ZFAND2A: variants seen among roughly 807,000 people sequenced by gnomAD.
ZFAND2A encodes the protein AN1-type zinc finger protein 2A.
Under a neutral mutation model 11.6 loss-of-function variants are expected in ZFAND2A, and 20 were observed. That is an observed-to-expected ratio of 1.72 (90% CI 1.21 to 2.50). ZFAND2A has a LOEUF of 2.50. ZFAND2A is among the 30% of genes most tolerant of loss of function. The pLI, the probability that ZFAND2A is intolerant of heterozygous loss-of-function variation, is 0.00. For synonymous variants in ZFAND2A, 93 were observed against 60.6 expected, an observed-to-expected ratio of 1.54 and a Z score of -2.48; for missense variants, 234 against 182.9, an observed-to-expected ratio of 1.28 and a Z score of -1.61.
At chr7:1,158,880 C>A (rs1793600373) in intron 1 of ZFAND2A, among the ~76,000 whole-genome samples, 1 of 152,102 alleles carries the variant, frequency 6.6e-6, no homozygotes, top group African/African-American at 2.4e-5. Context: ...TACCCACCAG[C>A]CCTCCCGGGG....
chr7:1,153,809 G>T (rs1488777031), intron 4 of ZFAND2A, among the ~76,000 whole-genome samples: 1 of 152,204 alleles, frequency 6.6e-6, no homozygotes, highest in African/African-American at 2.4e-5. Flanking sequence ...GCCAGGCATG[G>T]TGGCGTGGTG....
In ZFAND2A at chr7:1,158,156, A is replaced by G. The variant is rs1793576437; in HGVS notation, c.55+2T>C. The G allele has an allele frequency of 6.2e-7, 1 of 1,613,882 alleles. No homozygotes were observed. Among genetic ancestry groups the G allele is most frequent in the Non-Finnish European group, 8.5e-7 (1 of 1,179,908 alleles). On this transcript the variant is annotated splice_donor_variant, in intron 2 of 4. Transcript: ENST00000316495. LOFTEE classifies it high-confidence loss of function. ...TCTATTAAGTCTCTTAAAAGTACTCACCTAGCTGCTTGCAAGTCTTTTCTG... is the reference window on the plus strand; with the variant it reads ...TCTATTAAGTCTCTTAAAAGTACTCGCCTAGCTGCTTGCAAGTCTTTTCTG...
chr7:1,149,389 C>T (rs1048910530), downstream of ZFAND2A, among the ~76,000 whole-genome samples: 2 of 152,198 alleles, frequency 1.3e-5, no homozygotes, highest in South Asian at 2.1e-4. Context: ...ACGTGTCACC[C>T]GGGCAGCTCC....
downstream of ZFAND2A, among the ~76,000 whole-genome samples, chr7:1,150,430 A>T (rs867601474): frequency 3.5e-4 from 54 of 152,132 alleles, no homozygotes; most frequent in African/African-American, 1.0e-3. Context: ...AACTTGGGGG[A>T]ATTTTGTTTC....
chr7:1,158,221 C>T lies in ZFAND2A; in HGVS notation c.-9G>A, dbSNP rs139762237. On this transcript the variant is annotated 5_prime_UTR_variant, in exon 2 of 5. Coordinates refer to ENST00000316495, the MANE Select transcript of ZFAND2A (RefSeq NM_182491.4). ...AAATCAGGAAACTCCATTATGAGAA[C>T]AGTGCTCAAAACGCAGATGGCGGAG... The T allele has an allele frequency of 9.8e-5, 158 of 1,613,892 alleles. 1 individual carries two copies. In the African/African-American group the frequency reaches 1.9e-3, roughly 20 times the overall value.
downstream of ZFAND2A, among the ~76,000 whole-genome samples, chr7:1,149,536 T>C (rs142926825): frequency 3.6e-4 from 55 of 152,274 alleles, no homozygotes; most frequent in African/African-American, 1.1e-3. Flanking sequence ...CACCATGAAA[T>C]AAGCATAGCA....
intron 1 of ZFAND2A, among the ~76,000 whole-genome samples, chr7:1,159,261 T>A (rs1225163454): frequency 2.0e-5 from 3 of 152,224 alleles, no homozygotes; most frequent in Non-Finnish European, 2.9e-5. Flanking sequence ...AAGAGTTTGA[T>A]GTGAATCCCC....
chr7:1,155,531 C>G lies in ZFAND2A; in HGVS notation c.204G>C (p.Lys68Asn), dbSNP rs915106672. 1.5e-5 allele frequency: 25 copies of G among 1,613,750 alleles called. No individual in the cohort carries two copies. The Admixed American group carries it at 2.7e-4, about 17-fold the overall frequency. Residue 68 changes from lysine to asparagine, a missense_variant, in exon 4 of 5, where the codon AAG (lysine) becomes AAC (asparagine). By Grantham distance (94) the Lys-to-Asn change is moderately conservative (BLOSUM62 0). Transcript: ENST00000316495. ...PLCNTPIPVK[K>N]GQIPDVVVGD... is the part of the protein sequence containing the mutation. ...CAACCACCACGTCTGGTATCTGGCC[C>G]TTTTTTACTGGGATGGGGGTATTAC...
At chr7:1,155,365 G>C in intron 4 of ZFAND2A, 88 bp downstream of exon 4, 1 of 1,544,330 alleles carries the variant, frequency 6.5e-7, no homozygotes, top group Non-Finnish European at 8.8e-7. Context: ...ATAAACTATT[G>C]GGAGTAATTT....
At chr7:1,149,712 T>A (rs1458371179), downstream of ZFAND2A, among the ~76,000 whole-genome samples, 1 of 152,218 alleles carries the variant, frequency 6.6e-6, no homozygotes, top group Non-Finnish European at 1.5e-5. Flanking sequence ...TGCAGAGTGC[T>A]ACTGCGCTGA....
rs368153318 is a variant in ZFAND2A, at chr7:1,157,639, A to C, written c.150+17T>G. 4.9e-5 allele frequency: 78 copies of C among 1,575,778 alleles called. 3 individuals carry two copies. In the Middle Eastern group the frequency reaches 6.7e-4, roughly 13 times the overall value. On this transcript the variant is annotated intron_variant, in intron 3 of 4. Transcript: ENST00000316495. ...AGACGGTGAAGATGAGAATCTTTTG[A>C]ACAAAGGATCAATTACCTTCTGGAA...
intron 3 of ZFAND2A, among the ~76,000 whole-genome samples, chr7:1,155,914 A>C (rs76311070): frequency 6.6e-6 from 1 of 152,230 alleles, no homozygotes; most frequent in Admixed American, 6.5e-5. Context: ...AGATGGAGGG[A>C]AACATGGACC....
chr7:1,153,432 T>C (rs1313099471), intron 4 of ZFAND2A, among the ~76,000 whole-genome samples: 3 of 152,044 alleles, frequency 2.0e-5, no homozygotes, highest in Non-Finnish European at 4.4e-5. Context: ...TTCACAGAGA[T>C]GGGGTCTTGC....
intron 3 of ZFAND2A, among the ~76,000 whole-genome samples, chr7:1,156,708 G>C (rs80017601): frequency 0.033 from 5,082 of 152,372 alleles, 126 homozygotes; most frequent in South Asian, 0.052. Flanking sequence ...ACGGGTGGCA[G>C]GTGCTCACGG....
chr7:1,149,946 G>A (rs750289934), downstream of ZFAND2A, among the ~76,000 whole-genome samples: 14 of 150,622 alleles, frequency 9.3e-5, no homozygotes, highest in Non-Finnish European at 2.1e-4. Context: ...TCTGCCTCCC[G>A]GGTTCAAGCG....
rs756892361 is a variant in ZFAND2A, at chr7:1,155,555, A to G, written c.180T>C (p.Cys60=). 1 of 1,613,894 alleles carries G rather than the reference A, an allele frequency of 6.2e-7. No individual in the cohort carries two copies. The highest frequency in any genetic ancestry group is 1.1e-5 in the South Asian group (1 of 91,066). The change falls in exon 4 of 5, where the codon TGT becomes TGC. Residue 60 remains cysteine, a synonymous_variant. Transcript: ENST00000316495. ...KDVHVPVCPL[C]NTPIPVKKGQ... is the part of the protein sequence containing the mutation. ...CCTTTTTTACTGGGATGGGGGTATT[A>G]CAGAGTGGGCATACTGGGACGTGAA...
downstream of ZFAND2A, among the ~76,000 whole-genome samples, chr7:1,149,415 T>C (rs1332451111): frequency 2.0e-5 from 3 of 152,256 alleles, no homozygotes; most frequent in East Asian, 5.8e-4. Context: ...TAAACCTGAG[T>C]CCACCTCAGA....
intron 4 of ZFAND2A, among the ~76,000 whole-genome samples, chr7:1,155,040 C>A (rs955174982): frequency 3.9e-5 from 6 of 152,178 alleles, no homozygotes; most frequent in South Asian, 2.1e-4. Context: ...ATCGCTTTAA[C>A]CCGGGAGGCA....
At chr7:1,151,602 T>C (rs1163070245), downstream of ZFAND2A, among the ~76,000 whole-genome samples, 2 of 151,794 alleles carry the variant, frequency 1.3e-5, no homozygotes, top group Admixed American at 6.6e-5. Context: ...CACTAAAATA[T>C]AAAAGATTAG....
Sources: allele counts gnomAD v4.1 joint callset (sites outside exome capture counted in the v4.1 genomes callset), GRCh38; gene constraint gnomAD v4.1.1; transcripts MANE v1.5; gene names NCBI Gene and HGNC (gene_info 2026-07-23, HGNC 2026-07-21).